The following ARHGAP39 variants were observed in gnomAD, a reference collection of about 807,000 sequenced individuals.
The protein encoded by ARHGAP39 is Rho GTPase activating protein 39.
ARHGAP39 carries 44 observed loss-of-function variants against 106.9 expected under a neutral mutation model. That is an observed-to-expected ratio of 0.41 (90% confidence interval 0.32 to 0.53). The LOEUF (loss-of-function observed/expected upper bound fraction) is 0.53, where lower values mean the gene tolerates loss of function less well. Among genes scored for constraint, ARHGAP39 ranks in the 20% least tolerant of loss-of-function variants. The pLI is 0.21. For synonymous variants in ARHGAP39, 768 were observed against 693.2 expected (o/e 1.11, Z -1.69); for missense variants, 1,496 against 1,577.3 (o/e 0.95, Z 0.87).
chr8:144,696,092 A>T, the ARHGAP39 span, among the ~76,000 whole-genome samples: 2 of 152,198 alleles, frequency 1.3e-5, no homozygotes, highest in Admixed American at 1.3e-4. Context: ...ACTGGGCCAC[A>T]CGCTGCCTCC....
intron 1 of ARHGAP39, among the ~76,000 whole-genome samples, chr8:144,620,556 C>T (rs889043599): frequency 5.5e-5 from 8 of 145,946 alleles, no homozygotes; most frequent in African/African-American, 1.1e-4. Context: ...TGCCCGTGTG[C>T]GTGAGCTTGT....
At chr8:144,550,880 C>T (rs531003705) in intron 4 of ARHGAP39, among the ~76,000 whole-genome samples, 8 of 152,300 alleles carry the variant, frequency 5.3e-5, no homozygotes, top group African/African-American at 1.4e-4. Flanking sequence ...TTCGGGAGAT[C>T]GGGGGTTGAA....
intron 3 of ARHGAP39, among the ~76,000 whole-genome samples, chr8:144,572,932 C>T (rs997452560): frequency 4.6e-5 from 7 of 152,184 alleles, no homozygotes; most frequent in African/African-American, 1.7e-4. Context: ...TACCATCTCA[C>T]ACCAGTTAGA....
In ARHGAP39 at chr8:144,580,558, C is replaced by A. The variant is rs968972965; in HGVS notation, c.512+288G>T. On this transcript the variant is annotated intron_variant, in intron 3 of 11. Coordinates refer to ENST00000377307, the MANE Select transcript of ARHGAP39 (RefSeq NM_025251.3). ...CTGGCCACTCGCGGGGACACTGAGT[C>A]CCCTGGGTCCCCGCCCACCGCCCTC... is the stretch of plus-strand genomic sequence containing the variant. 2.6e-5 allele frequency among the ~76,000 whole-genome samples: 4 copies of A among 152,014 alleles called. No homozygotes were observed. In the South Asian group the frequency reaches 8.3e-4, roughly 32 times the overall value.
chr8:144,613,816 G>C (rs1314314973), intron 1 of ARHGAP39, among the ~76,000 whole-genome samples: 4 of 152,202 alleles, frequency 2.6e-5, no homozygotes, highest in Non-Finnish European at 5.9e-5. Context: ...CCATCAAACT[G>C]GGAAGCTTTT....
intron 1 of ARHGAP39, among the ~76,000 whole-genome samples, chr8:144,612,708 G>A (rs1446385807): frequency 3.8e-5 from 5 of 129,888 alleles, no homozygotes; most frequent in South Asian, 2.9e-4. Context: ...GGTGAGCCAC[G>A]GCTGCGCCGC....
chr8:144,563,632 A>T (rs1028493028), intron 3 of ARHGAP39, among the ~76,000 whole-genome samples: 3 of 151,624 alleles, frequency 2.0e-5, no homozygotes, highest in African/African-American at 7.3e-5. Flanking sequence ...TAAAAAAAAA[A>T]TAATAATAAT....
At chr8:144,656,752 G>A (rs1821707468) in intron 1 of ARHGAP39, among the ~76,000 whole-genome samples, 1 of 136,894 alleles carries the variant, frequency 7.3e-6, no homozygotes, top group South Asian at 2.4e-4. Flanking sequence ...AGGTTGCAGT[G>A]AGCTGAGATG....
intron 3 of ARHGAP39, among the ~76,000 whole-genome samples, chr8:144,576,500 G>C (rs1045315606): frequency 6.6e-6 from 1 of 152,172 alleles, no homozygotes; most frequent in South Asian, 2.1e-4. Context: ...ATGGGTGACA[G>C]GGCAGGGCTA....
At chr8:144,550,278 A>T (rs879326532) in intron 4 of ARHGAP39, among the ~76,000 whole-genome samples, 8 of 152,074 alleles carry the variant, frequency 5.3e-5, no homozygotes, top group Non-Finnish European at 7.3e-5. Flanking sequence ...CTGTCTAAAA[A>T]AAAGTAAATA....
intron 2 of ARHGAP39, among the ~76,000 whole-genome samples, chr8:144,587,782 G>A (rs542613010): frequency 1.2e-4 from 18 of 152,016 alleles, no homozygotes; most frequent in South Asian, 8.3e-4. Context: ...AGCCTCCCAA[G>A]TAGCTGGGAT....
chr8:144,689,235 T>C (rs924533162), upstream of ARHGAP39, among the ~76,000 whole-genome samples: 1 of 152,032 alleles, frequency 6.6e-6, no homozygotes, highest in Admixed American at 6.6e-5. Flanking sequence ...TTTGACTTTT[T>C]TTTTTTTACA....
intron 1 of ARHGAP39, among the ~76,000 whole-genome samples, chr8:144,681,582 C>A (rs962374721): frequency 6.6e-6 from 1 of 152,182 alleles, no homozygotes; most frequent in East Asian, 1.9e-4. Context: ...GAAGCCAGTA[C>A]AAGCCTACCA....
At chr8:144,540,324 A>C (rs940632938) in intron 6 of ARHGAP39, among the ~76,000 whole-genome samples, 1 of 152,224 alleles carries the variant, frequency 6.6e-6, no homozygotes, top group African/African-American at 2.4e-5. Flanking sequence ...GCTTGAGCCC[A>C]AGAGTTGGAG....
intron 6 of ARHGAP39, among the ~76,000 whole-genome samples, chr8:144,545,038 CG>C (rs1344085312): frequency 6.6e-6 from 1 of 152,236 alleles, no homozygotes; most frequent in East Asian, 1.9e-4. Context: ...GCCAGGGCTC[CG>C]GGGCTCTTCA....
At chr8:144,627,338 G>A (rs1264005290) in intron 1 of ARHGAP39, among the ~76,000 whole-genome samples, 3 of 152,102 alleles carry the variant, frequency 2.0e-5, no homozygotes, top group South Asian at 2.1e-4. Flanking sequence ...GGTGGATCAC[G>A]AGGTCAGATC....
intron 1 of ARHGAP39, among the ~76,000 whole-genome samples, chr8:144,674,804 C>T (rs1417257896): frequency 6.6e-6 from 1 of 152,222 alleles, no homozygotes; most frequent in Non-Finnish European, 1.5e-5. Context: ...GCCGAGAAGG[C>T]AGGGGGCTGG....
At chr8:144,575,508 C>G (rs1209283412) in intron 3 of ARHGAP39, among the ~76,000 whole-genome samples, 1 of 152,088 alleles carries the variant, frequency 6.6e-6, no homozygotes, top group African/African-American at 2.4e-5. Flanking sequence ...AACACACACA[C>G]TAGCCTAGGC....
At chr8:144,677,933 G>A (rs888573952) in intron 1 of ARHGAP39, among the ~76,000 whole-genome samples, 10 of 152,138 alleles carry the variant, frequency 6.6e-5, no homozygotes, top group African/African-American at 1.9e-4. Flanking sequence ...TTACACTTAG[G>A]AAAGCAAGTT....
Sources: allele counts gnomAD v4.1 joint callset (sites outside exome capture counted in the v4.1 genomes callset), GRCh38; gene constraint gnomAD v4.1.1; transcripts MANE v1.5; gene names NCBI Gene and HGNC (gene_info 2026-07-23, HGNC 2026-07-21).